Variants in ST8SIA1 observed in about 807,000 individuals in gnomAD.
The protein encoded by ST8SIA1 is ST8 alpha-N-acetyl-neuraminide alpha-2,8-sialyltransferase 1, also known as alpha-N-acetylneuraminide alpha-2,8-sialyltransferase.
ST8SIA1 carries 16 observed loss-of-function variants against 35.9 expected under a neutral mutation model. The observed-to-expected ratio is 0.45, with a 90% confidence interval of 0.30 to 0.68. The LOEUF (loss-of-function observed/expected upper bound fraction) is 0.68. Ranked by LOEUF, ST8SIA1 falls within the 30% of genes least tolerant of loss-of-function variation. The pLI, the probability that ST8SIA1 is intolerant of heterozygous loss-of-function variation, is 0.09. For synonymous variants in ST8SIA1, 170 were observed against 169.6 expected (o/e 1.00, Z -0.02); for missense variants, 383 against 453.6 (o/e 0.84, Z 1.41).
At chr12:22,316,029 T>G (rs1223704519) in intron 1 of ST8SIA1, among the ~76,000 whole-genome samples, 2 of 151,996 alleles carry the variant, frequency 1.3e-5, no homozygotes, top group East Asian at 3.8e-4. Flanking sequence ...CTAAAAAAAC[T>G]AAATACTCTG....
chr12:22,323,634 A>G (rs1424885005), intron 1 of ST8SIA1, among the ~76,000 whole-genome samples: 1 of 152,268 alleles, frequency 6.6e-6, no homozygotes, highest in African/African-American at 2.4e-5. Flanking sequence ...GACTGGATAA[A>G]GAAAATGTGG....
At chr12:22,276,120 C>G (rs1865965335) in intron 2 of ST8SIA1, among the ~76,000 whole-genome samples, 1 of 152,204 alleles carries the variant, frequency 6.6e-6, no homozygotes, top group Non-Finnish European at 1.5e-5. Flanking sequence ...CTACCAAGGA[C>G]TGGGCTTGTC....
At chr12:22,333,897 C>T (rs1471471883) in intron 1 of ST8SIA1, 100 bp downstream of exon 1, 1 of 1,028,660 alleles carries the variant, frequency 9.7e-7, no homozygotes. Flanking sequence ...AAAGGGATGC[C>T]TCTGCGAGAC....
chr12:22,312,025 C>T (rs1052899434), intron 1 of ST8SIA1, among the ~76,000 whole-genome samples: 4 of 152,132 alleles, frequency 2.6e-5, no homozygotes, highest in African/African-American at 9.7e-5. Flanking sequence ...AAGCACCCAA[C>T]CTACCAGGCT....
chr12:22,218,836 A>T (rs1865264442), intron 4 of ST8SIA1, among the ~76,000 whole-genome samples: 1 of 151,546 alleles, frequency 6.6e-6, no homozygotes, highest in African/African-American at 2.4e-5. Context: ...ATAAATAAAT[A>T]AAATAAAATA....
chr12:22,212,749 G>A (rs1283458526), intron 4 of ST8SIA1, among the ~76,000 whole-genome samples: 2 of 152,120 alleles, frequency 1.3e-5, no homozygotes, highest in African/African-American at 4.8e-5. Flanking sequence ...GATGATAATA[G>A]TCCCTTTCCC....
intron 1 of ST8SIA1, among the ~76,000 whole-genome samples, chr12:22,323,629 G>T (rs1180477196): frequency 2.0e-5 from 3 of 152,168 alleles, no homozygotes; most frequent in African/African-American, 7.2e-5. Context: ...TGACAGACTG[G>T]ATAAAGAAAA....
chr12:22,305,917 G>A (rs1421021538), intron 1 of ST8SIA1, among the ~76,000 whole-genome samples: 1 of 152,020 alleles, frequency 6.6e-6, no homozygotes, highest in Non-Finnish European at 1.5e-5. Context: ...TGTGGTTTTG[G>A]GCAGTCTAGT....
At chr12:22,245,638 T>C (rs2284852) in intron 4 of ST8SIA1, among the ~76,000 whole-genome samples, 52,491 of 152,042 alleles carry the variant, frequency 0.35, 9,891 homozygotes, top group East Asian at 0.55. Flanking sequence ...CTAAAATCTT[T>C]AGCAACTCCC....
At chr12:22,238,164 C>G (rs939300340) in intron 4 of ST8SIA1, among the ~76,000 whole-genome samples, 3 of 36,942 alleles carry the variant, frequency 8.1e-5, no homozygotes, top group African/African-American at 1.5e-4. Flanking sequence ...CTTGAGAACT[C>G]CCCCCCCAAC....
In ST8SIA1 at chr12:22,194,460, C is replaced by T. The variant is rs1191737798; in HGVS notation, c.*7092G>A. 6.6e-6 allele frequency: 1 copy of T among 152,112 alleles called. No homozygotes were observed. The highest frequency in any genetic ancestry group is 1.5e-5 in the Non-Finnish European group (1 of 68,034). 9.4% of individuals were successfully genotyped at this position (152,112 alleles called of 1,614,324 possible). A position where few individuals can be genotyped will look rare whatever the true frequency, so the allele number is the denominator to read the frequency against. ...ATAGGACTTCTTGATAATAACGATA[C>T]AACTTGGAACAGACATGATTACATC... On this transcript the variant is annotated 3_prime_UTR_variant, in exon 5 of 5. Coordinates refer to ENST00000396037, the MANE Select transcript of ST8SIA1 (RefSeq NM_003034.4).
intron 4 of ST8SIA1, among the ~76,000 whole-genome samples, chr12:22,239,304 A>G (rs576651039): frequency 6.6e-6 from 1 of 152,268 alleles, no homozygotes; most frequent in South Asian, 2.1e-4. Flanking sequence ...CCTATTTTAT[A>G]CTTCCACAAT....
At chr12:22,303,998 C>T (rs1866351732) in intron 1 of ST8SIA1, among the ~76,000 whole-genome samples, 1 of 152,156 alleles carries the variant, frequency 6.6e-6, no homozygotes, top group Non-Finnish European at 1.5e-5. Context: ...TTTTGCTAGT[C>T]AGGCCAACCA....
At chr12:22,215,338 G>A (rs1865223378) in intron 4 of ST8SIA1, among the ~76,000 whole-genome samples, 1 of 152,040 alleles carries the variant, frequency 6.6e-6, no homozygotes, top group Admixed American at 6.6e-5. Context: ...ATTATTTATT[G>A]AGTACCTATC....
intron 4 of ST8SIA1, among the ~76,000 whole-genome samples, chr12:22,219,312 T>C (rs1418582182): frequency 6.6e-6 from 1 of 152,210 alleles, no homozygotes; most frequent in Non-Finnish European, 1.5e-5. Context: ...TCTTTGATTA[T>C]CCTTCAATTT....
At chr12:22,314,855 C>T (rs188266361) in intron 1 of ST8SIA1, among the ~76,000 whole-genome samples, 21 of 152,240 alleles carry the variant, frequency 1.4e-4, no homozygotes, top group East Asian at 1.3e-3. Context: ...CCAGAGCTGA[C>T]GATAACTCTC....
intron 2 of ST8SIA1, among the ~76,000 whole-genome samples, chr12:22,282,542 G>A (rs895787351): frequency 7.2e-5 from 11 of 152,248 alleles, no homozygotes; most frequent in African/African-American, 2.4e-4. Flanking sequence ...ATCCTGAACC[G>A]AAACTGCGAA....
chr12:22,260,514 GT>G (rs112056879), intron 2 of ST8SIA1, among the ~76,000 whole-genome samples: 1 of 152,050 alleles, frequency 6.6e-6, no homozygotes, highest in Admixed American at 6.6e-5. Context: ...TTTGTCCAGA[GT>G]TTTTTATCTG....
chr12:22,227,624 T>G (rs183341834), intron 4 of ST8SIA1, among the ~76,000 whole-genome samples: 1 of 152,144 alleles, frequency 6.6e-6, no homozygotes, highest in South Asian at 2.1e-4. Flanking sequence ...AGGTGTTCTA[T>G]ACCAAATTTT....
Sources: allele counts gnomAD v4.1 joint callset (sites outside exome capture counted in the v4.1 genomes callset), GRCh38; gene constraint gnomAD v4.1.1; transcripts MANE v1.5; gene names NCBI Gene and HGNC (gene_info 2026-07-23, HGNC 2026-07-21).